The following COL6A3 variants were observed in gnomAD, a reference collection of about 807,000 sequenced individuals.
The protein encoded by COL6A3 is collagen alpha-3(VI) chain.
In COL6A3, 137 loss-of-function variants were observed where a neutral mutation model predicts 274.1. That is an observed-to-expected ratio of 0.50 (90% CI 0.44 to 0.58). The LOEUF (loss-of-function observed/expected upper bound fraction) is 0.58. COL6A3 is among the 20% of genes least tolerant of loss of function. The pLI is 0.00. For missense variants in COL6A3, 3,950 were observed against 4,124.9 expected (o/e 0.96, Z 1.16); for synonymous variants, 1,650 against 1,650.6 (o/e 1.00, Z 0.01).
At chr2:237,351,346 C>T (rs1409518949) in intron 26 of COL6A3, among the ~76,000 whole-genome samples, 154 bp from the exon 27 acceptor site, 2 of 152,208 alleles carry the variant, frequency 1.3e-5, no homozygotes, top group South Asian at 2.1e-4. Context: ...GCTCTGAGCA[C>T]GGGGCTACGG....
intron 40 of COL6A3, 53 bp from the exon 41 acceptor site, chr2:237,334,942 A>G: frequency 6.2e-7 from 1 of 1,602,552 alleles, no homozygotes; most frequent in Non-Finnish European, 8.5e-7. Flanking sequence ...CCATGACTGT[A>G]GTGCATGAGC....
chr2:237,359,446 G>A (rs957898753), intron 17 of COL6A3, 58 bp from the exon 18 acceptor site: 36 of 1,583,362 alleles, frequency 2.3e-5, no homozygotes, highest in Non-Finnish European at 3.1e-5. Context: ...GGTCCCTCGG[G>A]CAGAAGAGGC....
intron 4 of COL6A3, among the ~76,000 whole-genome samples, chr2:237,387,062 T>C (rs1227686906): frequency 7.9e-5 from 12 of 152,204 alleles, no homozygotes; most frequent in Admixed American, 7.9e-4. Context: ...GTGATTACAC[T>C]GTTATTTCTT....
intron 3 of COL6A3, among the ~76,000 whole-genome samples, chr2:237,388,974 T>C (rs929795527): frequency 1.3e-5 from 2 of 152,212 alleles, no homozygotes; most frequent in African/African-American, 4.8e-5. Flanking sequence ...TGCAGAACAA[T>C]GTTAAGCAGA....
Position 237,378,882 on chromosome 2 carries a change from T to A in COL6A3, c.2251A>T (p.Thr751Ser). 1 of 1,614,222 alleles carries A rather than the reference T, an allele frequency of 6.2e-7. No homozygotes were observed. Among genetic ancestry groups the A allele is most frequent in the Non-Finnish European group, 8.5e-7 (1 of 1,180,024 alleles). ...TAGGAGTCCTCAGACTGCCCAGCTGTGAGCAGAAGCAGGAGCTGCGGCACG... is the reference window on the plus strand; with the variant it reads ...TAGGAGTCCTCAGACTGCCCAGCTGAGAGCAGAAGCAGGAGCTGCGGCACG... ...EHVPQLLLLL[T>S]AGQSEDSYLQ... is the part of the protein sequence containing the mutation. The change falls in exon 6 of 44, where the codon ACA becomes TCA. Residue 751 changes from threonine (T) to serine (S), a missense_variant. Thr to Ser is a moderately conservative substitution (Grantham distance 58). This residue lies in a region of COL6A3 where 1,934 missense variants were observed against 1,984.3 expected (regional missense o/e 0.97). Coordinates refer to ENST00000295550, the MANE Select transcript of COL6A3 (RefSeq NM_004369.4).
Position 237,366,002 on chromosome 2 carries a change from C to G in COL6A3, c.5534G>C (p.Gly1845Ala), listed in dbSNP as rs747200439. Reference sequence around the variant, plus strand: ...CACAAAAACATTCTGGTCTCTAGAACCATCAAACCCCAGAATCACATCCAG... The same window carrying G: ...CACAAAAACATTCTGGTCTCTAGAAGCATCAAACCCCAGAATCACATCCAG... ...CNLDVILGFD[G>A]SRDQNVFVAQ... Residue 1845 changes from glycine to alanine, a missense_variant, in exon 12 of 44, where the codon GGT becomes GCT. Physicochemically the swap from Gly to Ala is moderately conservative, Grantham distance 60. Around this residue, in one of 5 missense-constraint regions of COL6A3, gnomAD observed 632 missense variants for 623.4 expected, o/e 1.01. Coordinates refer to ENST00000295550, the MANE Select transcript of COL6A3 (RefSeq NM_004369.4). The G allele has an allele frequency of 1.2e-6, 2 of 1,613,788 alleles. No individual in the cohort carries two copies. The highest frequency in any genetic ancestry group is 3.3e-5 in the Admixed American group (2 of 60,030).
Position 237,360,139 on chromosome 2 carries a change from A to G in COL6A3, c.6231T>C (p.Gly2077=). The G allele has an allele frequency of 1.2e-6, 2 of 1,614,130 alleles. No homozygotes were observed. The highest frequency in any genetic ancestry group is 8.5e-7 in the Non-Finnish European group (1 of 1,180,032). Residue 2077 remains glycine, a synonymous_variant, in exon 17 of 44, where the codon GGT becomes GGC. Transcript: ENST00000295550. ...EGGPGERGPP[G]VNGTQGFQGC... ...CCTGGAAACCTTGAGTGCCGTTCAC[A>G]CCAGGCGGACCACGCTCACCCTGTT...
chr2:237,350,918 A>G (rs958859631), intron 27 of COL6A3, among the ~76,000 whole-genome samples: 3 of 152,162 alleles, frequency 2.0e-5, no homozygotes, highest in Non-Finnish European at 4.4e-5. Context: ...CTGAGCAGAG[A>G]TGGTTGGTGG....
rs770489225 is a variant in COL6A3 at position 237,371,847 on chromosome 2, C to G, written c.4170G>C (p.Ser1390=). 6.2e-7 allele frequency: 1 copy of G among 1,613,064 alleles called. No individual in the cohort carries two copies. Among genetic ancestry groups the G allele is most frequent in the Non-Finnish European group, 8.5e-7 (1 of 1,179,936 alleles). Residue 1390 remains serine (S), a synonymous_variant, in exon 9 of 44, where the codon TCG becomes TCC. Transcript: ENST00000295550. The surrounding 1 kb of genome is among the most constrained non-coding windows in gnomAD (Gnocchi z 4.3). ...KISLSPEYVF[S]VSTFRELPSL... ...TGGGCAGCTCCCGGAAGGTGCTCAC[C>G]GAGAACACATATTCGGGGCTCAGCG...
chr2:237,387,199 C>A (rs532676338), intron 4 of COL6A3, among the ~76,000 whole-genome samples: 13 of 152,270 alleles, frequency 8.5e-5, no homozygotes, highest in Admixed American at 5.9e-4. Context: ...TTTTAGAGCT[C>A]AATGCCATAG....
intron 23 of COL6A3, chr2:237,355,717 C>T (rs557188716): frequency 6.6e-6 from 1 of 152,332 alleles, no homozygotes; most frequent in South Asian, 2.1e-4. Flanking sequence ...CTAGGAACCT[C>T]ACTCTCCACT....
At position 237,387,936 on chromosome 2, in the gene COL6A3, C is replaced by T. The variant is rs115819851; in HGVS notation, c.958G>A (p.Ala320Thr). The T allele has an allele frequency of 8.9e-5, 144 of 1,614,222 alleles. 1 individual carries two copies. In the East Asian group the frequency reaches 2.1e-3, roughly 23 times the overall value. The change falls in exon 4 of 44, where the codon GCC becomes ACC. Residue 320 changes from alanine to threonine, a missense_variant. Transcript: ENST00000295550. ...AAATCAAGGGCGAGGCCGATATTGG[C>T]CAACTCCCCACCAGCAAACCCGAGG... ...KALGFAGGEL[A>T]NIGLALDFVV... is the part of the protein sequence containing the mutation.
At chr2:237,351,981 C>A (rs921884654) in intron 26 of COL6A3, among the ~76,000 whole-genome samples, 1 of 152,180 alleles carries the variant, frequency 6.6e-6, no homozygotes, top group Non-Finnish European at 1.5e-5. Context: ...GAGGGAAACC[C>A]GAATACGTAA....
At chr2:237,391,657 C>T (rs1004872476) in intron 3 of COL6A3, among the ~76,000 whole-genome samples, 7 of 151,956 alleles carry the variant, frequency 4.6e-5, no homozygotes, top group Non-Finnish European at 8.8e-5. Flanking sequence ...CTCAGCCTCC[C>T]GGGATTACAG....
rs757465277 is a variant in COL6A3 at position 237,395,060 on chromosome 2, G to A, written c.236C>T (p.Ala79Val). ...TGGGTTTCCGTTGAACTGGACCAGA[G>A]CAAAATGGAAATCATTTTCTCCCAC... is the stretch of plus-strand genomic sequence containing the variant. ...LAVGENDFHF[A>V]LVQFNGNPHT... Residue 79 changes from alanine (A) to valine (V), a missense_variant, in exon 3 of 44, where the codon GCT (alanine) becomes GTT (valine). Around this residue, in one of 5 missense-constraint regions of COL6A3, gnomAD observed 1,934 missense variants for 1,984.3 expected, o/e 0.97. Transcript: ENST00000295550. 1.2e-6 allele frequency: 2 copies of A among 1,614,122 alleles called. No homozygotes were observed. Among genetic ancestry groups the A allele is most frequent in the African/African-American group, 1.3e-5 (1 of 75,028 alleles).
At chr2:237,352,399 G>A (rs2077225683) in intron 26 of COL6A3, 123 bp downstream of exon 26, 1 of 977,386 alleles carries the variant, frequency 1.0e-6, no homozygotes, top group Non-Finnish European at 1.6e-6. Flanking sequence ...GGTTTTTGTT[G>A]CCAAAGAGGA....
chr2:237,358,143 C>A (rs1358651022), intron 21 of COL6A3, among the ~76,000 whole-genome samples: 4 of 152,152 alleles, frequency 2.6e-5, no homozygotes, highest in Non-Finnish European at 5.9e-5. Context: ...TCCTGCTTAT[C>A]CTTGGCCACA....
chr2:237,369,118 G>A lies in COL6A3; in HGVS notation c.4345C>T (p.Pro1449Ser), dbSNP rs748618516. 2 of 1,614,070 alleles carry A rather than the reference G, an allele frequency of 1.2e-6. No individual in the cohort carries two copies. The highest frequency in any genetic ancestry group is 4.5e-5 in the East Asian group (2 of 44,880). The change falls in exon 10 of 44, where the codon CCA (proline) becomes TCA (serine). Residue 1449 changes from proline to serine, a missense_variant. Coordinates refer to ENST00000295550, the MANE Select transcript of COL6A3 (RefSeq NM_004369.4). ...FLIDSSEGVRPDGFAHIRDFV... is the reference protein window; with the variant it reads ...FLIDSSEGVRSDGFAHIRDFV... ...TCTCGAATATGTGCAAAGCCATCTG[G>A]CCTAACTCCCTCAGAGCTGTCGATC...
Position 237,357,355 on chromosome 2 carries a change from C to T in COL6A3, c.6574G>A (p.Gly2192Arg). ...PGRDGVPGGP[G>R]ETGKNGGFGR... ...GCACTCACATTCTTCCCAGTTTCTC[C>T]AGGTCCTCCAGGTACTCCATCTCTC... The change falls in exon 23 of 44, where the codon GGA (glycine) becomes AGA (arginine). Residue 2192 changes from glycine to arginine, a missense_variant. By Grantham distance (125) the Gly-to-Arg change is moderately radical. Transcript: ENST00000295550. 6.2e-7 allele frequency: 1 copy of T among 1,614,066 alleles called. No homozygotes were observed. Among genetic ancestry groups the T allele is most frequent in the Non-Finnish European group, 8.5e-7 (1 of 1,179,886 alleles).
Sources: allele counts gnomAD v4.1 joint callset (sites outside exome capture counted in the v4.1 genomes callset), GRCh38; gene constraint gnomAD v4.1.1; regional missense constraint gnomAD v4.1.1; non-coding constraint Gnocchi (gnomAD v3.1); transcripts MANE v1.5; gene names NCBI Gene and HGNC (gene_info 2026-07-23, HGNC 2026-07-21).